CFAP97: variants seen among roughly 807,000 people sequenced by gnomAD.
CFAP97 encodes cilia and flagella associated protein 97.
CFAP97 carries 36 observed loss-of-function variants against 43.1 expected under a neutral mutation model. That is an observed-to-expected ratio of 0.84 (90% CI 0.64 to 1.10). The LOEUF (loss-of-function observed/expected upper bound fraction) is 1.10. CFAP97 is among the 50% of genes least tolerant of loss of function. CFAP97 has a pLI of 0.00. For missense variants in CFAP97, 657 were observed against 620.3 expected (o/e 1.06, Z -0.63); for synonymous variants, 228 against 225.7 (o/e 1.01, Z -0.09).
In CFAP97 at chr4:185,203,597, T is replaced by C. The variant is rs556783359; in HGVS notation, c.-17+301A>G. On this transcript the variant is annotated intron_variant, in intron 1 of 4. Coordinates refer to ENST00000458385, the MANE Select transcript of CFAP97 (RefSeq NM_020827.3). The stretch of plus-strand genomic sequence containing the variant: ...AGGAAGAAGTCGTCAGGGCCCGGCA[T>C]GTGGTCGCGGCCCAATCTCAATTTA... Among the ~76,000 whole-genome samples the C allele has an allele frequency of 1.4e-3, 208 of 152,064 alleles. 2 individuals carry two copies. Among genetic ancestry groups the C allele is most frequent in the Non-Finnish European group, 2.1e-4 (14 of 67,972 alleles).
intron 2 of CFAP97, among the ~76,000 whole-genome samples, chr4:185,177,622 G>A (rs1012090953): frequency 2.0e-4 from 30 of 152,102 alleles, no homozygotes; most frequent in African/African-American, 7.2e-4. Flanking sequence ...ATCACCTGAG[G>A]TCAGGAGTTC....
At chr4:185,169,423 G>T in intron 3 of CFAP97, 1 of 204,320 alleles carries the variant, frequency 4.9e-6, no homozygotes, top group Non-Finnish European at 8.6e-6. Flanking sequence ...GACATGCCTT[G>T]CTTCTGCTTC....
chr4:185,163,042 G>A (rs1470169742), intron 4 of CFAP97, 117 bp from the exon 5 acceptor site: 2 of 832,586 alleles, frequency 2.4e-6, no homozygotes, highest in East Asian at 3.3e-5. Context: ...TCTCGACTAG[G>A]ATGCACTTCA....
At position 185,173,190 on chromosome 4, in the gene CFAP97, C is replaced by T. The variant is rs113723944; in HGVS notation, c.1320+2596G>A. ...CATCCTGGCTAACACGGTGAAACCC[C>T]ATCTCTACTAAAAATACAAAAAATT... On this transcript the variant is annotated intron_variant, in intron 3 of 4. Coordinates refer to ENST00000458385, the MANE Select transcript of CFAP97 (RefSeq NM_020827.3). Among the ~76,000 whole-genome samples the T allele has an allele frequency of 2.8e-3, 420 of 151,842 alleles. 1 individual carries two copies. The highest frequency in any genetic ancestry group is 9.3e-3 in the African/African-American group (384 of 41,412).
intron 2 of CFAP97, among the ~76,000 whole-genome samples, chr4:185,187,122 G>A (rs952483428): frequency 2.6e-5 from 4 of 152,202 alleles, no homozygotes; most frequent in African/African-American, 9.6e-5. Context: ...ATTTTACCCA[G>A]GGGAGAATAT....
chr4:185,198,878 CT>C (rs1417967684), intron 1 of CFAP97, among the ~76,000 whole-genome samples: 1 of 152,086 alleles, frequency 6.6e-6, no homozygotes, highest in Non-Finnish European at 1.5e-5. Flanking sequence ...CTGAATGTGA[CT>C]ACAATAAACA....
intron 3 of CFAP97, among the ~76,000 whole-genome samples, chr4:185,166,513 CTAAGTT>C (rs1272765326): frequency 6.6e-6 from 1 of 152,128 alleles, no homozygotes; most frequent in Non-Finnish European, 1.5e-5. Flanking sequence ...TCCTAGTGTC[CTAAGTT>C]TATTTATTTG....
Position 185,162,049 on chromosome 4 carries a change from C to G in CFAP97, c.*749G>C, listed in dbSNP as rs1734891910. 6.6e-6 allele frequency: 1 copy of G among 152,212 alleles called. No individual in the cohort carries two copies. The highest frequency in any genetic ancestry group is 6.5e-5 in the Admixed American group (1 of 15,278). 9.4% of individuals were successfully genotyped at this position (152,212 alleles called of 1,614,324 possible). A position where few individuals can be genotyped will look rare whatever the true frequency, so the allele number is the denominator to read the frequency against. ...CTATTCACGAGTTAGAAGACTAGCT[C>G]TAAAACCTACCTCATTTCTAAGAGT... On this transcript the variant is annotated 3_prime_UTR_variant, in exon 5 of 5. Transcript: ENST00000458385.
chr4:185,175,944 C>A lies in CFAP97; in HGVS notation c.1162G>T (p.Asp388Tyr). ...TTCAAAAGCCTCTGATTTTCCCGAT[C>A]GATCTGTCTCACCTCTTCTCTTGTG... Reference protein sequence around the residue: ...SFTREEVRQIDRENQRLLKEL... With the variant: ...SFTREEVRQIYRENQRLLKEL... The change falls in exon 3 of 5, where the codon GAT (aspartate) becomes TAT (tyrosine). Residue 388 changes from aspartate (D) to tyrosine (Y), a missense_variant. Transcript: ENST00000458385. 6.2e-7 allele frequency: 1 copy of A among 1,613,838 alleles called. No homozygotes were observed. Among genetic ancestry groups the A allele is most frequent in the South Asian group, 1.1e-5 (1 of 91,076 alleles).
chr4:185,199,850 A>G (rs1283150599), intron 1 of CFAP97, among the ~76,000 whole-genome samples: 1 of 143,434 alleles, frequency 7.0e-6, no homozygotes, highest in Admixed American at 7.4e-5. Flanking sequence ...TCAAAATATT[A>G]CTGCTCATTG....
Position 185,193,583 on chromosome 4 carries a change from C to T in CFAP97, c.-16-2371G>A, listed in dbSNP as rs1410100142. 2.6e-5 allele frequency among the ~76,000 whole-genome samples: 4 copies of T among 152,166 alleles called. No individual in the cohort carries two copies. In the East Asian group the frequency reaches 7.7e-4, roughly 29 times the overall value. ...ATGGCGTGAACCCAGGAGGTGGAGG[C>T]TGCAGTGCGCCGCGATCACGCCATT... is the stretch of plus-strand genomic sequence containing the variant. On this transcript the variant is annotated intron_variant, in intron 1 of 4. Coordinates refer to ENST00000458385, the MANE Select transcript of CFAP97 (RefSeq NM_020827.3).
chr4:185,192,332 C>G (rs1736299329), intron 1 of CFAP97, among the ~76,000 whole-genome samples: 1 of 152,194 alleles, frequency 6.6e-6, no homozygotes. Context: ...TCACAGCATA[C>G]AGCCAATGGC....
chr4:185,170,748 G>T (rs1417477939), intron 3 of CFAP97, among the ~76,000 whole-genome samples: 1 of 151,466 alleles, frequency 6.6e-6, no homozygotes, highest in Non-Finnish European at 1.5e-5. Flanking sequence ...ACTTTGAGAC[G>T]CCGAGGCTGG....
At chr4:185,195,308 G>A (rs564703776) in intron 1 of CFAP97, among the ~76,000 whole-genome samples, 2 of 152,032 alleles carry the variant, frequency 1.3e-5, no homozygotes, top group African/African-American at 2.4e-5. Flanking sequence ...ATGAGACCCC[G>A]TTGCTACAAG....
chr4:185,186,688 T>C (rs970628054), intron 2 of CFAP97, among the ~76,000 whole-genome samples: 1 of 152,174 alleles, frequency 6.6e-6, no homozygotes, highest in Non-Finnish European at 1.5e-5. Flanking sequence ...ATACACCTTT[T>C]TCATGACATA....
At position 185,190,338 on chromosome 4, in the gene CFAP97, C is replaced by A. The variant is rs1736180558; in HGVS notation, c.859G>T (p.Val287Leu). ...QKVKIKKQENVSQEIYEDVED... is the reference protein window; with the variant it reads ...QKVKIKKQENLSQEIYEDVED... Reference sequence around the variant, plus strand: ...ACATCTTCATATATTTCTTGGCTCACATTTTCTTGCTTTTTAATTTTCACT... The same window carrying A: ...ACATCTTCATATATTTCTTGGCTCAAATTTTCTTGCTTTTTAATTTTCACT... The change falls in exon 2 of 5, where the codon GTG becomes TTG. Residue 287 changes from valine (V) to leucine (L), a missense_variant. By Grantham distance (32) the Val-to-Leu change is conservative. Coordinates refer to ENST00000458385, the MANE Select transcript of CFAP97 (RefSeq NM_020827.3). 2 of 1,603,788 alleles carry A rather than the reference C, an allele frequency of 1.2e-6. No individual in the cohort carries two copies. The highest frequency in any genetic ancestry group is 1.7e-6 in the Non-Finnish European group (2 of 1,174,162).
At chr4:185,163,979 A>G in intron 4 of CFAP97, 50 bp downstream of exon 4, 2 of 1,530,764 alleles carry the variant, frequency 1.3e-6, no homozygotes, top group South Asian at 2.4e-5. Flanking sequence ...TTTTTTTAAA[A>G]AAAGGATACA....
chr4:185,192,733 CTTTTTTT>C (rs760026667), intron 1 of CFAP97, among the ~76,000 whole-genome samples: 12 of 81,412 alleles, frequency 1.5e-4, no homozygotes, highest in South Asian at 4.5e-4. Context: ...AATTGACCTT[CTTTTTTT>C]TTTTTTTTTT....
At chr4:185,197,452 G>C (rs994110113) in intron 1 of CFAP97, among the ~76,000 whole-genome samples, 3 of 149,730 alleles carry the variant, frequency 2.0e-5, no homozygotes, top group Admixed American at 2.0e-4. Context: ...TTGAGACAGA[G>C]TCTCTCTGAG....
Sources: allele counts gnomAD v4.1 joint callset (sites outside exome capture counted in the v4.1 genomes callset), GRCh38; gene constraint gnomAD v4.1.1; transcripts MANE v1.5; gene names NCBI Gene and HGNC (gene_info 2026-07-23, HGNC 2026-07-21).